The following UBR7 variants were observed in gnomAD, a reference collection of about 807,000 sequenced individuals.
UBR7 encodes the protein putative E3 ubiquitin-protein ligase UBR7.
Under a neutral mutation model 57.0 loss-of-function variants are expected in UBR7, and 22 were observed. That is an observed-to-expected ratio of 0.39 (90% CI 0.28 to 0.55). UBR7 has a LOEUF of 0.55. Among genes scored for constraint, UBR7 ranks in the 20% least tolerant of loss-of-function variants. The pLI is 0.69. For synonymous variants in UBR7, 167 were observed against 179.8 expected (o/e 0.93, Z 0.57); for missense variants, 395 against 513.2 (o/e 0.77, Z 2.23).
At chr14:93,223,136 G>A (rs890104704) in intron 10 of UBR7, among the ~76,000 whole-genome samples, 1 of 152,090 alleles carries the variant, frequency 6.6e-6, no homozygotes, top group South Asian at 2.1e-4. Flanking sequence ...AGTGGCTCAC[G>A]CCTTAATCCC....
At chr14:93,207,975 C>G (rs900452248) in intron 1 of UBR7, among the ~76,000 whole-genome samples, 1 of 151,866 alleles carries the variant, frequency 6.6e-6, no homozygotes, top group African/African-American at 2.4e-5. Context: ...CTTTTTTTGG[C>G]AAAATGAAGC....
chr14:93,207,774 C>T (rs762513350), intron 1 of UBR7, among the ~76,000 whole-genome samples: 3 of 152,172 alleles, frequency 2.0e-5, no homozygotes, highest in South Asian at 2.1e-4. Flanking sequence ...CCCGCGACCT[C>T]TCAGATCCAG....
chr14:93,221,717 C>T (rs867389146), intron 9 of UBR7, among the ~76,000 whole-genome samples: 2 of 151,920 alleles, frequency 1.3e-5, no homozygotes, highest in East Asian at 3.9e-4. Context: ...CGCCATGGCT[C>T]ACGCCTGTAA....
chr14:93,216,544 C>T (rs1894596278), intron 6 of UBR7, among the ~76,000 whole-genome samples: 1 of 152,060 alleles, frequency 6.6e-6, no homozygotes, highest in African/African-American at 2.4e-5. Context: ...ACCATACAAA[C>T]CATGAGCAGC....
At chr14:93,207,716 G>T (rs534471331) in intron 1 of UBR7, among the ~76,000 whole-genome samples, 1 of 152,152 alleles carries the variant, frequency 6.6e-6, no homozygotes, top group East Asian at 1.9e-4. Context: ...TGCTCTGTCC[G>T]TCCTCTCCAG....
chr14:93,218,457 T>G, intron 6 of UBR7, 70 bp from the exon 7 acceptor site: 1 of 1,285,502 alleles, frequency 7.8e-7, no homozygotes, highest in Non-Finnish European at 1.1e-6. Flanking sequence ...TTATTGTCTG[T>G]TGGGATTTTA....
In UBR7 at chr14:93,218,857, C is replaced by A. The variant is rs189550157; in HGVS notation, c.810+122C>A. 5.5e-5 allele frequency: 56 copies of A among 1,022,610 alleles called. No individual in the cohort carries two copies. In the East Asian group the frequency reaches 1.3e-3, roughly 24 times the overall value. The allele number at this position is 1,022,610 out of a possible 1,614,324, so 63.3% of individuals were successfully genotyped here. On this transcript the variant is annotated intron_variant, in intron 7 of 10. Coordinates refer to ENST00000013070, the MANE Select transcript of UBR7 (RefSeq NM_175748.4). ...ATCACCTGAGGTCACGGGTTTGAGA[C>A]CAGCCTTGGCAACATGGGTAAACCT...
intron 4 of UBR7, 49 bp downstream of exon 4, chr14:93,212,176 A>T (rs148022346): frequency 0.011 from 15,730 of 1,380,594 alleles, 123 homozygotes; most frequent in Non-Finnish European, 0.013. Context: ...TCTAGCCTTG[A>T]TTCCTCAACT....
At chr14:93,226,914 C>T (rs753292030) in intron 10 of UBR7, 29 bp from the exon 11 acceptor site, 2 of 1,548,188 alleles carry the variant, frequency 1.3e-6, no homozygotes, top group East Asian at 2.3e-5. Flanking sequence ...ACTTAGTTCT[C>T]TTTCATAATC....
intron 7 of UBR7, 27 bp downstream of exon 7, chr14:93,218,762 G>T (rs771397875): frequency 1.2e-5 from 19 of 1,606,336 alleles, no homozygotes; most frequent in Admixed American, 1.7e-5. Flanking sequence ...GAGCCATCAA[G>T]AAATAAGACT....
At chr14:93,210,242 C>G (rs958325184) in intron 2 of UBR7, among the ~76,000 whole-genome samples, 3 of 152,094 alleles carry the variant, frequency 2.0e-5, no homozygotes, top group Admixed American at 6.6e-5. Flanking sequence ...CACCACCACG[C>G]CCAGCTAATT....
chr14:93,221,091 G>A (rs960912410), intron 9 of UBR7, among the ~76,000 whole-genome samples: 2 of 149,894 alleles, frequency 1.3e-5, no homozygotes, highest in African/African-American at 2.5e-5. Flanking sequence ...GACCACAGAC[G>A]CATGCCACTG....
intron 4 of UBR7, among the ~76,000 whole-genome samples, 177 bp downstream of exon 4, chr14:93,212,304 ATTC>A (rs1489491128): frequency 2.6e-5 from 4 of 152,196 alleles, no homozygotes; most frequent in African/African-American, 7.2e-5. Context: ...CATCTCAACC[ATTC>A]TTTTCATTTT....
rs1265299498 is a variant in UBR7 at position 93,224,022 on chromosome 14, C to T, written c.1185+1648C>T. 11 of 867,550 alleles carry T rather than the reference C, an allele frequency of 1.3e-5. No individual in the cohort carries two copies. In the Admixed American group the frequency reaches 1.5e-4, roughly 12 times the overall value. The allele number at this position is 867,550 out of a possible 1,614,324, so 53.7% of individuals were successfully genotyped here. ...AAGTACCAGAAGTCCCGGGACTTGG[C>T]GACAACGTGATTAGGCGCAAAGATT... On this transcript the variant is annotated intron_variant, in intron 10 of 10. Coordinates refer to ENST00000013070, the MANE Select transcript of UBR7 (RefSeq NM_175748.4).
intron 10 of UBR7, 144 bp from the exon 11 acceptor site, chr14:93,226,792 CAAAAAAA>C (rs55907535): frequency 3.8e-5 from 13 of 343,388 alleles, no homozygotes; most frequent in Admixed American, 9.3e-5. Flanking sequence ...CACTCCATCT[CAAAAAAA>C]AAAAAAAAAA....
At chr14:93,216,572 C>A (rs1832371534) in intron 6 of UBR7, among the ~76,000 whole-genome samples, 1 of 151,794 alleles carries the variant, frequency 6.6e-6, no homozygotes, top group African/African-American at 2.4e-5. Context: ...TACCTCTGAT[C>A]TCATCCTACA....
intron 3 of UBR7, 96 bp downstream of exon 3, chr14:93,210,804 AAG>A (rs1459770731): frequency 2.8e-6 from 3 of 1,074,688 alleles, no homozygotes; most frequent in Non-Finnish European, 4.1e-6. Context: ...TTTCCAAAAA[AAG>A]AAGTTCTTAT....
At position 93,228,088 on chromosome 14, in the gene UBR7, A is replaced by C; in HGVS notation, c.*1053A>C. 1.5e-6 allele frequency: 1 copy of C among 685,060 alleles called. No individual in the cohort carries two copies. The highest frequency in any genetic ancestry group is 2.7e-6 in the Non-Finnish European group (1 of 375,484). 42.4% of individuals were successfully genotyped at this position (685,060 alleles called of 1,614,324 possible). A position where few individuals can be genotyped will look rare whatever the true frequency, so the allele number is the denominator to read the frequency against. ...GGGAGCCCTGTTTTGGAAGAGACAG[A>C]CTGTGGAAGAGATTACAAACAAGGC... On this transcript the variant is annotated 3_prime_UTR_variant, in exon 11 of 11. Coordinates refer to ENST00000013070, the MANE Select transcript of UBR7 (RefSeq NM_175748.4).
At position 93,228,015 on chromosome 14, in the gene UBR7, G is replaced by T. The variant is rs1371141324; in HGVS notation, c.*980G>T. ...ATTATTATTTTTCCCCCTTGAATCT[G>T]CTAAAGAAAACAGATCCTGACTTAG... On this transcript the variant is annotated 3_prime_UTR_variant, in exon 11 of 11. Coordinates refer to ENST00000013070, the MANE Select transcript of UBR7 (RefSeq NM_175748.4). The T allele has an allele frequency of 2.9e-6, 2 of 698,148 alleles. No individual in the cohort carries two copies. Among genetic ancestry groups the T allele is most frequent in the Non-Finnish European group, 5.2e-6 (2 of 383,886 alleles). The allele number at this position is 698,148 out of a possible 1,614,324, so 43.2% of individuals were successfully genotyped here.
Sources: gnomAD v4.1 joint callset for allele counts (sites outside exome capture counted in the v4.1 genomes callset) on GRCh38, gnomAD v4.1.1 for gene constraint, MANE v1.5 for transcripts, NCBI Gene and HGNC (gene_info 2026-07-23, HGNC 2026-07-21) for gene names.